The following COL25A1 variants were observed in gnomAD, a reference collection of about 807,000 sequenced individuals.
COL25A1 encodes the protein collagen alpha-1(XXV) chain.
COL25A1 carries 103 observed loss-of-function variants against 128.4 expected under a neutral mutation model. The ratio of observed to expected loss-of-function variants is 0.80; its 90% confidence interval spans 0.68 to 0.94. The LOEUF (loss-of-function observed/expected upper bound fraction) is 0.94. COL25A1 is among the 40% of genes least tolerant of loss of function. COL25A1 has a pLI of 0.00. For synonymous variants in COL25A1, 279 were observed against 277.2 expected (o/e 1.01, Z -0.06); for missense variants, 745 against 840.0 (o/e 0.89, Z 1.40).
intron 3 of COL25A1, among the ~76,000 whole-genome samples, chr4:109,243,792 A>G (rs146037508): frequency 2.6e-5 from 4 of 152,226 alleles, no homozygotes; most frequent in African/African-American, 9.6e-5. Context: ...TCTGACATAG[A>G]TTACCATCTT....
Position 109,165,074 on chromosome 4 carries a change from T to C in COL25A1, c.368-114895A>G, listed in dbSNP as rs1772937250. 6.6e-5 allele frequency among the ~76,000 whole-genome samples: 10 copies of C among 152,244 alleles called. No individual in the cohort carries two copies. In the South Asian group the frequency reaches 2.1e-3, roughly 31 times the overall value. ...AAAACAACATATGATAATAGTCATG[T>C]AACATCCTTTGCACATAGAACTAGA... On this transcript the variant is annotated intron_variant, in intron 3 of 37. Coordinates refer to ENST00000399132, the MANE Select transcript of COL25A1 (RefSeq NM_198721.4).
At chr4:108,928,120 C>T (rs1054448444) in intron 11 of COL25A1, among the ~76,000 whole-genome samples, 4 of 152,038 alleles carry the variant, frequency 2.6e-5, no homozygotes, top group African/African-American at 9.7e-5. Context: ...ATACTTCCCT[C>T]GAGTACTATA....
At chr4:108,862,403 T>C in intron 22 of COL25A1, 98 bp downstream of exon 22, 1 of 900,724 alleles carries the variant, frequency 1.1e-6, no homozygotes, top group Non-Finnish European at 1.9e-6. Flanking sequence ...GTGAAAGAGT[T>C]TAATCTAAAA....
At chr4:108,875,620 T>A (rs887657369) in intron 19 of COL25A1, among the ~76,000 whole-genome samples, 2 of 152,286 alleles carry the variant, frequency 1.3e-5, no homozygotes, top group African/African-American at 4.8e-5. Flanking sequence ...GGTGGGACTG[T>A]AAATTGGTTC....
At chr4:108,902,844 A>C (rs1307663053) in intron 13 of COL25A1, among the ~76,000 whole-genome samples, 1 of 151,958 alleles carries the variant, frequency 6.6e-6, no homozygotes, top group Admixed American at 6.6e-5. Context: ...GTACATAACA[A>C]AGGATAAGAA....
rs1460696126 is a variant in COL25A1 at position 109,301,776 on chromosome 4, G to A, written c.244C>T (p.Leu82=). The part of the protein sequence containing the change: ...APSIHLLPDT[L]DHLKTMVQEK... ...TGCACCATAGTCTTGAGGTGATCCA[G>A]GGTATCAGGCAGCAGATGAATGGAA... Residue 82 remains leucine, a synonymous_variant, in exon 2 of 38, where the codon CTG becomes TTG. Transcript: ENST00000399132. 6.2e-7 allele frequency: 1 copy of A among 1,614,268 alleles called. No individual in the cohort carries two copies. Among genetic ancestry groups the A allele is most frequent in the Non-Finnish European group, 8.5e-7 (1 of 1,180,048 alleles).
chr4:108,911,111 G>A (rs546252437), intron 13 of COL25A1, among the ~76,000 whole-genome samples: 2 of 152,246 alleles, frequency 1.3e-5, no homozygotes, highest in African/African-American at 4.8e-5. Flanking sequence ...TACAAAAACA[G>A]GGTGTGTGGT....
intron 3 of COL25A1, among the ~76,000 whole-genome samples, chr4:109,245,949 T>C (rs1056976784): frequency 1.4e-5 from 2 of 146,052 alleles, no homozygotes; most frequent in Non-Finnish European, 1.5e-5. Flanking sequence ...AGGAGAGATA[T>C]GCAGAGGCCA....
At chr4:109,202,029 T>A (rs1333432843) in intron 3 of COL25A1, among the ~76,000 whole-genome samples, 89 of 152,116 alleles carry the variant, frequency 5.9e-4, no homozygotes, top group Non-Finnish European at 2.9e-5. Context: ...TCAATATCCT[T>A]AAGAAGTCAG....
In COL25A1 at chr4:109,278,905, T is replaced by G. The variant is rs546064531; in HGVS notation, c.367+21678A>C. Among the ~76,000 whole-genome samples, 15 of 152,266 alleles carry G rather than the reference T, an allele frequency of 9.9e-5. No homozygotes were observed. In the South Asian group the frequency reaches 2.5e-3, roughly 25 times the overall value. ...AATCAAGGTGGCAGCAGATTCAGTG[T>G]CTGGTGAGGGCCTGCTTCCTCTTGA... On this transcript the variant is annotated intron_variant, in intron 3 of 37. Transcript: ENST00000399132.
intron 3 of COL25A1, among the ~76,000 whole-genome samples, chr4:109,230,201 G>C (rs573541984): frequency 6.6e-6 from 1 of 152,206 alleles, no homozygotes; most frequent in South Asian, 2.1e-4. Flanking sequence ...ACTATATCAA[G>C]GGGTTACAAG....
intron 26 of COL25A1, among the ~76,000 whole-genome samples, chr4:108,849,619 G>A (rs1735538703): frequency 6.6e-6 from 1 of 152,176 alleles, no homozygotes; most frequent in Non-Finnish European, 1.5e-5. Flanking sequence ...TCCTTGAAAA[G>A]TAAGCATTAT....
intron 11 of COL25A1, among the ~76,000 whole-genome samples, chr4:108,928,611 C>T (rs1746360898): frequency 6.6e-6 from 1 of 151,676 alleles, no homozygotes; most frequent in South Asian, 2.1e-4. Context: ...ATCTCGACTT[C>T]CTACAACCTC....
Position 108,869,143 on chromosome 4 carries a change from G to T in COL25A1, c.1028C>A (p.Pro343Gln). The T allele has an allele frequency of 6.5e-7, 1 of 1,533,776 alleles. No individual in the cohort carries two copies. Among genetic ancestry groups the T allele is most frequent in the Non-Finnish European group, 8.7e-7 (1 of 1,145,012 alleles). ...LPGLPGIKGE[P>Q]GFIGPQGEPG... ...TTCTCCTTGAGGACCAATGAAACCT[G>T]GTTCTCCCTTTAAAAACATGGGCAT... The change falls in exon 20 of 38, where the codon CCA becomes CAA. Residue 343 changes from proline (P) to glutamine (Q), a missense_variant. Coordinates refer to ENST00000399132, the MANE Select transcript of COL25A1 (RefSeq NM_198721.4).
chr4:108,914,888 T>C (rs7661892), intron 13 of COL25A1, among the ~76,000 whole-genome samples: 3,641 of 152,216 alleles, frequency 0.024, 135 homozygotes, highest in African/African-American at 0.082. Flanking sequence ...ATCTATTACA[T>C]AATATTCACT....
chr4:109,075,040 T>C (rs1763271426), intron 3 of COL25A1, among the ~76,000 whole-genome samples: 1 of 152,082 alleles, frequency 6.6e-6, no homozygotes, highest in African/African-American at 2.4e-5. Flanking sequence ...TTCACCAAAA[T>C]AGGTTATTAA....
chr4:108,937,688 A>T (rs778584355), intron 11 of COL25A1, 120 bp downstream of exon 11: 80 of 750,784 alleles, frequency 1.1e-4, no homozygotes, highest in Non-Finnish European at 1.6e-4. Context: ...TTTAACTTTT[A>T]CTAATTTTCA....
At chr4:108,908,415 G>A (rs112517130) in intron 13 of COL25A1, among the ~76,000 whole-genome samples, 2 of 152,128 alleles carry the variant, frequency 1.3e-5, no homozygotes, top group African/African-American at 4.8e-5. Flanking sequence ...TAGCAGTTCA[G>A]TAGTCTTTAG....
chr4:108,855,406 A>G (rs541202395), intron 24 of COL25A1, among the ~76,000 whole-genome samples: 9 of 151,846 alleles, frequency 5.9e-5, no homozygotes, highest in Non-Finnish European at 1.2e-4. Flanking sequence ...TACAGTGTAG[A>G]GAAGTCATTT....
Sources: gnomAD v4.1 joint callset for allele counts (sites outside exome capture counted in the v4.1 genomes callset) on GRCh38, gnomAD v4.1.1 for gene constraint, MANE v1.5 for transcripts, NCBI Gene and HGNC (gene_info 2026-07-23, HGNC 2026-07-21) for gene names.